PRKCE: variants seen among roughly 807,000 people sequenced by gnomAD.
PRKCE encodes the protein protein kinase C epsilon type.
In PRKCE, 16 loss-of-function variants were observed where a neutral mutation model predicts 85.4. The ratio of observed to expected loss-of-function variants is 0.19; its 90% CI spans 0.13 to 0.28. PRKCE has a LOEUF of 0.28. Ranked by LOEUF, PRKCE falls within the 10% of genes least tolerant of loss-of-function variation. The pLI is 1.00. For missense variants in PRKCE, 573 were observed against 975.2 expected, an observed-to-expected ratio of 0.59 and a Z score of 5.49; for synonymous variants, 388 against 371.5, an observed-to-expected ratio of 1.04 and a Z score of -0.51.
chr2:46,052,092 G>A (rs1345068414), intron 10 of PRKCE, among the ~76,000 whole-genome samples: 1 of 152,188 alleles, frequency 6.6e-6, no homozygotes, highest in Non-Finnish European at 1.5e-5. Context: ...GCTTTTCAGT[G>A]CATGGGAAGG....
At chr2:45,978,394 GC>G (rs1702625077) in intron 3 of PRKCE, 1 of 152,734 alleles carries the variant, frequency 6.5e-6, no homozygotes, top group Admixed American at 6.5e-5. Context: ...CTGTGTCCAT[GC>G]TGACTTTCTG....
chr2:45,898,531 T>G (rs1421621818), intron 2 of PRKCE, among the ~76,000 whole-genome samples: 1 of 152,202 alleles, frequency 6.6e-6, no homozygotes, highest in Non-Finnish European at 1.5e-5. Context: ...CACACATTGC[T>G]TGAGGACTCT....
Position 46,185,164 on chromosome 2 carries a change from C to A in PRKCE, c.*283C>A. On this transcript the variant is annotated 3_prime_UTR_variant, in exon 15 of 15. Coordinates refer to ENST00000306156, the MANE Select transcript of PRKCE (RefSeq NM_005400.3). This position sits in a 1 kb window ranked among gnomAD's most constrained non-coding sequence, Gnocchi z 4.7. ...GTTTGGACCATTGGCAAGCCTGGTT[C>A]CACTCCTCAGGGGCTCCTGGCAGTG... 2.7e-6 allele frequency: 1 copy of A among 364,662 alleles called. No homozygotes were observed. The highest frequency in any genetic ancestry group is 4.9e-6 in the Non-Finnish European group (1 of 202,762). The allele number at this position is 364,662 out of a possible 1,614,324, so 22.6% of individuals were successfully genotyped here. A position where few individuals can be genotyped will look rare whatever the true frequency, so the allele number is the denominator to read the frequency against.
intron 2 of PRKCE, among the ~76,000 whole-genome samples, chr2:45,935,315 G>T (rs1296590145): frequency 2.6e-5 from 4 of 152,028 alleles, no homozygotes; most frequent in African/African-American, 4.8e-5. Context: ...CAAACATTCT[G>T]CCATTCACCA....
At chr2:45,979,352 GTCTGTGTAT>G (rs1702702141) in intron 4 of PRKCE, among the ~76,000 whole-genome samples, 1 of 152,138 alleles carries the variant, frequency 6.6e-6, no homozygotes, top group African/African-American at 2.4e-5. Context: ...CCTGAACTGG[GTCTGTGTAT>G]TCTGCCAGAT....
chr2:45,756,140 A>C (rs1209070991), intron 1 of PRKCE, among the ~76,000 whole-genome samples: 1 of 152,230 alleles, frequency 6.6e-6, no homozygotes, highest in African/African-American at 2.4e-5. Flanking sequence ...TGCTGACTCC[A>C]GTCTTTGGTG....
chr2:46,030,275 G>A (rs1329169392), intron 10 of PRKCE, among the ~76,000 whole-genome samples: 4 of 152,188 alleles, frequency 2.6e-5, no homozygotes, highest in Non-Finnish European at 5.9e-5. Flanking sequence ...TGAAAAACAA[G>A]CTTATTTTCT....
intron 6 of PRKCE, among the ~76,000 whole-genome samples, chr2:45,990,166 C>G (rs1392448652): frequency 6.6e-6 from 1 of 152,160 alleles, no homozygotes; most frequent in African/African-American, 2.4e-5. Flanking sequence ...AAGCTGAGAG[C>G]TGGGGCTGTT....
chr2:45,988,657 C>T (rs1288917839), intron 6 of PRKCE, among the ~76,000 whole-genome samples: 1 of 152,210 alleles, frequency 6.6e-6, no homozygotes, highest in African/African-American at 2.4e-5. Flanking sequence ...TAGTTCATTT[C>T]TTTCTTTCAT....
chr2:46,110,417 T>G (rs1672140559), intron 11 of PRKCE, among the ~76,000 whole-genome samples: 1 of 152,192 alleles, frequency 6.6e-6, no homozygotes, highest in South Asian at 2.1e-4. Flanking sequence ...GTGTGAATCT[T>G]GATAGTTTGT....
At chr2:46,061,830 TTTC>T (rs1255976182) in intron 10 of PRKCE, among the ~76,000 whole-genome samples, 1 of 111,740 alleles carries the variant, frequency 8.9e-6, no homozygotes, top group African/African-American at 4.1e-5. Flanking sequence ...AAGTATTTCT[TTTC>T]TTTTCTTTTC....
chr2:46,173,678 A>G (rs1200109042), intron 14 of PRKCE, among the ~76,000 whole-genome samples: 5 of 152,204 alleles, frequency 3.3e-5, no homozygotes, highest in Non-Finnish European at 7.3e-5. Context: ...GTTTCAAAGC[A>G]TCATAACACA....
intron 10 of PRKCE, among the ~76,000 whole-genome samples, chr2:46,047,660 G>A (rs1164630925): frequency 6.6e-6 from 1 of 152,204 alleles, no homozygotes; most frequent in African/African-American, 2.4e-5. Flanking sequence ...TCTGGACAAT[G>A]TCATTTGTTG....
intron 10 of PRKCE, among the ~76,000 whole-genome samples, chr2:46,043,032 A>C (rs1708304597): frequency 6.6e-6 from 1 of 151,884 alleles, no homozygotes; most frequent in Non-Finnish European, 1.5e-5. Flanking sequence ...TTCATTCTAC[A>C]CTCACAAGGC....
At chr2:45,686,184 G>T (rs1677284529) in intron 1 of PRKCE, 1 of 152,152 alleles carries the variant, frequency 6.6e-6, no homozygotes, top group African/African-American at 2.4e-5. Context: ...GAGAGGCCTA[G>T]AGAAAAACTT....
intron 2 of PRKCE, among the ~76,000 whole-genome samples, chr2:45,952,174 C>A (rs1428874897): frequency 6.6e-6 from 1 of 152,222 alleles, no homozygotes; most frequent in East Asian, 1.9e-4. Flanking sequence ...GAATGTTAGA[C>A]CTATCACCTA....
At chr2:45,661,110 C>T (rs566892487) in intron 1 of PRKCE, among the ~76,000 whole-genome samples, 3 of 152,272 alleles carry the variant, frequency 2.0e-5, no homozygotes, top group African/African-American at 7.2e-5. Context: ...CCTGTATTTG[C>T]CAGCAAGGAG....
intron 1 of PRKCE, among the ~76,000 whole-genome samples, chr2:45,762,440 G>A (rs1684583106): frequency 2.6e-5 from 4 of 152,180 alleles, no homozygotes; most frequent in Admixed American, 2.6e-4. Context: ...GGATGAGCTG[G>A]GTGGCCTCAA....
At chr2:45,686,717 G>C (rs972973054) in intron 1 of PRKCE, among the ~76,000 whole-genome samples, 1 of 152,142 alleles carries the variant, frequency 6.6e-6, no homozygotes, top group Admixed American at 6.5e-5. Context: ...ACTGAATATA[G>C]TTTAATATAT....
Sources: allele counts gnomAD v4.1 joint callset (sites outside exome capture counted in the v4.1 genomes callset), GRCh38; gene constraint gnomAD v4.1.1; non-coding constraint Gnocchi (gnomAD v3.1); transcripts MANE v1.5; gene names NCBI Gene and HGNC (gene_info 2026-07-23, HGNC 2026-07-21).